IQSEC1: variants seen among roughly 807,000 people sequenced by gnomAD.
IQSEC1 encodes IQ motif and Sec7 domain ArfGEF 1.
IQSEC1 carries 31 observed loss-of-function variants against 91.0 expected under a neutral mutation model. That is an observed-to-expected ratio of 0.34 (90% CI 0.26 to 0.46). The LOEUF is 0.46. Ranked by LOEUF, IQSEC1 falls within the 20% of genes least tolerant of loss-of-function variation. The pLI, the probability that IQSEC1 is intolerant of heterozygous loss-of-function variation, is 1.00. For synonymous variants in IQSEC1, 699 were observed against 662.6 expected (o/e 1.05, Z -0.84); for missense variants, 1,388 against 1,575.6 (o/e 0.88, Z 2.02).
intron 2 of IQSEC1, among the ~76,000 whole-genome samples, chr3:13,118,782 A>G (rs970741034): frequency 3.3e-5 from 5 of 152,182 alleles, no homozygotes; most frequent in African/African-American, 1.2e-4. Context: ...ACACCTAAAA[A>G]TGGTTAAAAT....
intron 2 of IQSEC1, among the ~76,000 whole-genome samples, chr3:13,114,784 C>T (rs1439189536): frequency 8.8e-6 from 1 of 114,138 alleles, no homozygotes; most frequent in East Asian, 2.5e-4. Context: ...CAGAGTGAGA[C>T]ATCGTCTCAA....
intron 1 of IQSEC1, among the ~76,000 whole-genome samples, chr3:13,011,354 T>A (rs1702875399): frequency 6.6e-6 from 1 of 152,220 alleles, no homozygotes; most frequent in African/African-American, 2.4e-5. Context: ...TACTTGGGGA[T>A]AATCATCACT....
At chr3:13,263,432 G>A (rs958669677) in intron 1 of IQSEC1, among the ~76,000 whole-genome samples, 3 of 133,550 alleles carry the variant, frequency 2.2e-5, no homozygotes, top group Non-Finnish European at 3.3e-5. Context: ...TTTTTTGGGG[G>A]GGGGGGGAAA....
At chr3:13,227,393 A>AAAAAAAAAAG (rs1055638536) in intron 1 of IQSEC1, among the ~76,000 whole-genome samples, 44 of 140,876 alleles carry the variant, frequency 3.1e-4, no homozygotes, top group African/African-American at 1.0e-3. Context: ...AAAAAAAAAA[A>AAAAAAAAAAG]AAAGAAAGAA....
rs571599277 is a variant in IQSEC1, at chr3:13,182,913, C to T, written c.273-18780G>A. On this transcript the variant is annotated intron_variant, in intron 1 of 15. Coordinates refer to the IQSEC1 transcript ENST00000648114. ...GTCGCAGTGGCTCACGCCTGTAATC[C>T]CAGCAGTTTGGGAGGCCAAGGCAGG... Among the ~76,000 whole-genome samples the T allele has an allele frequency of 2.3e-4, 35 of 152,234 alleles. No homozygotes were observed. The South Asian group carries it at 7.0e-3, about 31-fold the overall frequency.
chr3:13,263,439 G>GA (rs374109439), intron 1 of IQSEC1, among the ~76,000 whole-genome samples: 6,168 of 107,014 alleles, frequency 0.058, 428 homozygotes, highest in East Asian at 0.19. Flanking sequence ...GGGGGGGGGG[G>GA]AAAGTACCTG....
chr3:13,207,339 C>T lies in IQSEC1; in HGVS notation c.273-43206G>A, dbSNP rs1284847841. Among the ~76,000 whole-genome samples the T allele has an allele frequency of 6.6e-6, 1 of 152,150 alleles. No individual in the cohort carries two copies. The highest frequency in any genetic ancestry group is 1.9e-4 in the East Asian group (1 of 5,190). ...TAACAGCTTCCGCTCCAACACCCATCGCCAATCTGCCTACTTCTCCCCCTC... is the reference window on the plus strand; with the variant it reads ...TAACAGCTTCCGCTCCAACACCCATTGCCAATCTGCCTACTTCTCCCCCTC... On this transcript the variant is annotated intron_variant, in intron 1 of 15. Transcript: ENST00000648114. This position sits in a 1 kb window ranked among gnomAD's most constrained non-coding sequence, Gnocchi z 4.8.
chr3:12,899,227 GCCAGAGGGGGCTCCCCTCT>G lies in IQSEC1; in HGVS notation c.*1737_*1755del. 1.4e-6 allele frequency: 1 copy of G among 738,768 alleles called. No homozygotes were observed. Among genetic ancestry groups the G allele is most frequent in the Admixed American group, 2.8e-5 (1 of 35,168 alleles). 45.8% of individuals were successfully genotyped at this position (738,768 alleles called of 1,614,324 possible). A position where few individuals can be genotyped will look rare whatever the true frequency, so the allele number is the denominator to read the frequency against. On this transcript the variant is annotated 3_prime_UTR_variant, in exon 14 of 14. Transcript: ENST00000613206. ...AGCCAGCCAGCCAAGGTGACACACA[GCCAGAGGGGGCTCCCCTCT>G]CCTCCTGCCGTCCGGCCACGGCTCA...
intron 1 of IQSEC1, among the ~76,000 whole-genome samples, chr3:13,063,822 T>G (rs1395178024): frequency 3.3e-5 from 5 of 151,352 alleles, no homozygotes; most frequent in Admixed American, 6.6e-5. Flanking sequence ...TGTCAGGGAG[T>G]GGAGGGCAGT....
At chr3:12,995,801 C>T (rs1702204434) in intron 1 of IQSEC1, among the ~76,000 whole-genome samples, 1 of 152,258 alleles carries the variant, frequency 6.6e-6, no homozygotes, top group African/African-American at 2.4e-5. Context: ...TACAGTGGAT[C>T]CCCTGGGAAT....
intron 1 of IQSEC1, among the ~76,000 whole-genome samples, chr3:13,198,826 C>T (rs143286839): frequency 8.3e-4 from 126 of 152,316 alleles, no homozygotes; most frequent in African/African-American, 2.7e-3. Flanking sequence ...AGCTCATGCC[C>T]TTGGAGTGAG....
intron 1 of IQSEC1, among the ~76,000 whole-genome samples, chr3:13,006,604 T>C (rs73028763): frequency 0.063 from 9,599 of 152,324 alleles, 423 homozygotes; most frequent in Non-Finnish European, 0.097. Context: ...CAATCACGTG[T>C]TTTAAGACAC....
chr3:13,256,615 G>A (rs555842391), intron 1 of IQSEC1, among the ~76,000 whole-genome samples: 47 of 152,248 alleles, frequency 3.1e-4, no homozygotes, highest in African/African-American at 1.1e-3. Context: ...AGCAGCCTTC[G>A]GGATATCTCA....
intron 1 of IQSEC1, among the ~76,000 whole-genome samples, chr3:13,253,529 C>T (rs1248946646): frequency 6.6e-6 from 1 of 152,174 alleles, no homozygotes; most frequent in African/African-American, 2.4e-5. Context: ...CAACTCATTT[C>T]CCCGCTGCCA....
intron 1 of IQSEC1, among the ~76,000 whole-genome samples, chr3:12,947,807 C>A (rs985005691): frequency 1.3e-4 from 20 of 152,260 alleles, no homozygotes; most frequent in African/African-American, 4.3e-4. Context: ...AAGCTTTGGT[C>A]ACTGAAAGGT....
intron 2 of IQSEC1, among the ~76,000 whole-genome samples, chr3:13,146,759 G>A (rs1032607119): frequency 4.6e-5 from 7 of 152,206 alleles, no homozygotes; most frequent in African/African-American, 1.7e-4. Flanking sequence ...AGAATCACTT[G>A]AACACAGGAG....
At chr3:13,060,457 G>A (rs2125086676) in intron 1 of IQSEC1, among the ~76,000 whole-genome samples, 1 of 152,310 alleles carries the variant, frequency 6.6e-6, no homozygotes, top group East Asian at 1.9e-4. Flanking sequence ...TGTAGGAAGA[G>A]GGGTGACCAG....
Position 12,898,982 on chromosome 3 carries a change from TTC to T in IQSEC1, c.*1999_*2000del, listed in dbSNP as rs1384824464. 3 of 210,058 alleles carry T rather than the reference TTC, an allele frequency of 1.4e-5. No homozygotes were observed. The highest frequency in any genetic ancestry group is 6.9e-5 in the African/African-American group (3 of 43,334). The allele number at this position is 210,058 out of a possible 1,614,324, so 13.0% of individuals were successfully genotyped here. A position where few individuals can be genotyped will look rare whatever the true frequency, so the allele number is the denominator to read the frequency against. Reference sequence around the variant, plus strand: ...ACCCAATCACACGGTCCCATGCTGTTTCTTTCTGAGCAGACACCAAAGAAATG... The same window carrying T: ...ACCCAATCACACGGTCCCATGCTGTTTTTCTGAGCAGACACCAAAGAAATG... On this transcript the variant is annotated 3_prime_UTR_variant, in exon 14 of 14. Coordinates refer to ENST00000613206, the MANE Select transcript of IQSEC1 (RefSeq NM_001134382.3).
chr3:13,032,204 C>T (rs183784564), intron 1 of IQSEC1, among the ~76,000 whole-genome samples: 2 of 152,206 alleles, frequency 1.3e-5, no homozygotes, highest in Non-Finnish European at 2.9e-5. Flanking sequence ...CGTTTTCTGG[C>T]ATAATCACGG....
Sources: allele counts gnomAD v4.1 joint callset (sites outside exome capture counted in the v4.1 genomes callset), GRCh38; gene constraint gnomAD v4.1.1; non-coding constraint Gnocchi (gnomAD v3.1); transcripts MANE v1.5; gene names NCBI Gene and HGNC (gene_info 2026-07-23, HGNC 2026-07-21).